The following CYP3A4 variants were observed in gnomAD, a reference collection of about 807,000 sequenced individuals.
CYP3A4 encodes cytochrome P450 family 3 subfamily A member 4, also known as cytochrome P450 3A4.
A neutral mutation model predicts 54.9 loss-of-function variants in CYP3A4; 41 were observed. That is an observed-to-expected ratio of 0.75 (90% CI 0.58 to 0.97). The LOEUF (loss-of-function observed/expected upper bound fraction) is 0.97, where lower values mean the gene tolerates loss of function less well. Ranked by LOEUF, CYP3A4 falls within the 50% of genes least tolerant of loss-of-function variation. CYP3A4 has a pLI of 0.00. For synonymous variants in CYP3A4, 179 were observed against 205.2 expected (o/e 0.87, Z 1.09); for missense variants, 510 against 597.3 (o/e 0.85, Z 1.52).
At chr7:99,773,189 C>T (rs1020199887) in intron 3 of CYP3A4, among the ~76,000 whole-genome samples, 6 of 152,130 alleles carry the variant, frequency 3.9e-5, no homozygotes, top group African/African-American at 1.2e-4. Flanking sequence ...CACCCAGATT[C>T]ATAAAGCAAG....
chr7:99,762,827 C>A (rs1038536362), intron 10 of CYP3A4, among the ~76,000 whole-genome samples: 1 of 152,152 alleles, frequency 6.6e-6, no homozygotes, highest in Non-Finnish European at 1.5e-5. Flanking sequence ...GAAACAGTCT[C>A]CTAGTTGTTG....
At chr7:99,770,065 T>C in intron 5 of CYP3A4, 57 bp downstream of exon 5, 1 of 1,565,588 alleles carries the variant, frequency 6.4e-7, no homozygotes, top group Non-Finnish European at 8.8e-7. Context: ...ATTTTATACC[T>C]GTCCCCACCA....
chr7:99,775,705 A>G (rs1329721000), intron 3 of CYP3A4, among the ~76,000 whole-genome samples: 4 of 152,250 alleles, frequency 2.6e-5, no homozygotes, highest in African/African-American at 9.6e-5. Flanking sequence ...GATGGATTAA[A>G]GACTTAAATG....
At chr7:99,775,611 A>G (rs1815749601) in intron 3 of CYP3A4, among the ~76,000 whole-genome samples, 1 of 152,202 alleles carries the variant, frequency 6.6e-6, no homozygotes, top group Non-Finnish European at 1.5e-5. Context: ...CTATTTAATA[A>G]ATGGTGTTGG....
intron 1 of CYP3A4, 81 bp downstream of exon 1, chr7:99,783,930 A>C: frequency 6.7e-7 from 1 of 1,486,202 alleles, no homozygotes; most frequent in Non-Finnish European, 9.4e-7. Context: ...TTTGATCTTC[A>C]AAACAGATAA....
chr7:99,780,196 A>C, intron 1 of CYP3A4, 111 bp from the exon 2 acceptor site: 1 of 1,063,028 alleles, frequency 9.4e-7, no homozygotes, highest in Non-Finnish European at 1.4e-6. Context: ...GGTAACATTA[A>C]GGCAAGAAAT....
intron 11 of CYP3A4, among the ~76,000 whole-genome samples, chr7:99,761,691 T>C (rs1032422389): frequency 9.2e-5 from 14 of 152,218 alleles, no homozygotes; most frequent in African/African-American, 3.4e-4. Context: ...TATTCCTAAA[T>C]ATTTGATTAT....
At chr7:99,769,009 C>G (rs1483678606) in intron 6 of CYP3A4, among the ~76,000 whole-genome samples, 1 of 152,176 alleles carries the variant, frequency 6.6e-6, no homozygotes, top group Non-Finnish European at 1.5e-5. Flanking sequence ...ACTCCCTGCT[C>G]AAGCTTTGGA....
intron 4 of CYP3A4, 83 bp from the exon 5 acceptor site, chr7:99,770,318 C>T (rs1815597499): frequency 2.4e-6 from 3 of 1,234,044 alleles, no homozygotes; most frequent in Non-Finnish European, 1.2e-6. Context: ...AACAGGAACA[C>T]TTATTCAACA....
rs1349640054 is a variant in CYP3A4 at position 99,761,954 on chromosome 7, C to G, written c.1253+87G>C. 15 of 1,163,740 alleles carry G rather than the reference C, an allele frequency of 1.3e-5. No homozygotes were observed. The Admixed American group carries it at 2.7e-4, about 21-fold the overall frequency. 72.1% of individuals were successfully genotyped at this position (1,163,740 alleles called of 1,614,324 possible). A position where few individuals can be genotyped will look rare whatever the true frequency, so the allele number is the denominator to read the frequency against. On this transcript the variant is annotated intron_variant, in intron 11 of 12. Coordinates refer to ENST00000651514, the MANE Select transcript of CYP3A4 (RefSeq NM_017460.6). The stretch of plus-strand genomic sequence containing the variant: ...AAATACAAGCAAATAATTATACAAC[C>G]ACATGACTGTCCTGTAGATTAAGAG...
chr7:99,772,784 T>C, intron 3 of CYP3A4, 95 bp from the exon 4 acceptor site: 2 of 1,270,686 alleles, frequency 1.6e-6, no homozygotes. Flanking sequence ...TGACTTTACA[T>C]AATCCCTTAG....
At chr7:99,772,516 T>C in intron 4 of CYP3A4, 74 bp downstream of exon 4, 1 of 1,583,096 alleles carries the variant, frequency 6.3e-7, no homozygotes. Flanking sequence ...TAGGCAACTG[T>C]CTATGAATAT....
intron 1 of CYP3A4, 157 bp from the exon 2 acceptor site, chr7:99,780,242 T>G (rs1281492179): frequency 1.1e-5 from 8 of 722,364 alleles, no homozygotes; most frequent in South Asian, 1.9e-5. Context: ...ATTATATTTG[T>G]TCATCAGGTC....
In CYP3A4 at chr7:99,767,273, A is replaced by G. The variant is rs761828438; in HGVS notation, c.671-15T>C. On this transcript the variant is annotated splice_polypyrimidine_tract_variant and intron_variant, in intron 7 of 12. Coordinates refer to ENST00000651514, the MANE Select transcript of CYP3A4 (RefSeq NM_017460.6). Reference sequence around the variant, plus strand: ...TGGAAAGACTGCTGTAGGAAAAACAAAACAAAAACAGAAAAAGAAATTCAT... The same window carrying G: ...TGGAAAGACTGCTGTAGGAAAAACAGAACAAAAACAGAAAAAGAAATTCAT... 6.4e-7 allele frequency: 1 copy of G among 1,559,304 alleles called. No homozygotes were observed. The highest frequency in any genetic ancestry group is 2.3e-5 in the East Asian group (1 of 43,958).
intron 9 of CYP3A4, among the ~76,000 whole-genome samples, chr7:99,765,192 A>G (rs566836500): frequency 9.2e-5 from 14 of 152,300 alleles, no homozygotes; most frequent in African/African-American, 3.4e-4. Flanking sequence ...GCTGTCCAAT[A>G]TGGTAGCCAC....
At chr7:99,762,353 A>C (rs1815360575) in intron 10 of CYP3A4, 86 bp from the exon 11 acceptor site, 4 of 1,496,206 alleles carry the variant, frequency 2.7e-6, no homozygotes, top group South Asian at 2.4e-5. Context: ...AAGTATTAGG[A>C]GCTCCAGAGA....
chr7:99,757,227 G>A lies in CYP3A4; in HGVS notation c.*906C>T, dbSNP rs988532951. The A allele has an allele frequency of 1.3e-5, 2 of 152,232 alleles. No individual in the cohort carries two copies. Among genetic ancestry groups the A allele is most frequent in the African/African-American group, 4.8e-5 (2 of 41,450 alleles). The allele number at this position is 152,232 out of a possible 1,614,324, so 9.4% of individuals were successfully genotyped here. On this transcript the variant is annotated 3_prime_UTR_variant, in exon 13 of 13. Coordinates refer to ENST00000651514, the MANE Select transcript of CYP3A4 (RefSeq NM_017460.6). ...TCACTCTCACCCAGACTGGAGTGCAGTGGTGCAATCTCAGCTCACTTCAAC... is the reference window on the plus strand; with the variant it reads ...TCACTCTCACCCAGACTGGAGTGCAATGGTGCAATCTCAGCTCACTTCAAC...
rs1815220947 is a variant in CYP3A4 at position 99,757,994 on chromosome 7, C to T, written c.*139G>A. On this transcript the variant is annotated 3_prime_UTR_variant, in exon 13 of 13. Coordinates refer to ENST00000651514, the MANE Select transcript of CYP3A4 (RefSeq NM_017460.6). ...ACAATGAGAGAGCTCAATGCATGTA[C>T]AGAATCCCCGGTTATTTATGCAGTC... 1.4e-6 allele frequency: 1 copy of T among 701,176 alleles called. No homozygotes were observed. Among genetic ancestry groups the T allele is most frequent in the South Asian group, 1.7e-5 (1 of 58,208 alleles). The allele number at this position is 701,176 out of a possible 1,614,324, so 43.4% of individuals were successfully genotyped here. A position where few individuals can be genotyped will look rare whatever the true frequency, so the allele number is the denominator to read the frequency against.
At chr7:99,771,013 C>G (rs1240365195) in intron 4 of CYP3A4, among the ~76,000 whole-genome samples, 1 of 152,146 alleles carries the variant, frequency 6.6e-6, no homozygotes, top group Non-Finnish European at 1.5e-5. Context: ...CCCACTTCAT[C>G]TAAATGATGC....
Sources: allele counts gnomAD v4.1 joint callset (sites outside exome capture counted in the v4.1 genomes callset), GRCh38; gene constraint gnomAD v4.1.1; transcripts MANE v1.5; gene names NCBI Gene and HGNC (gene_info 2026-07-23, HGNC 2026-07-21).